Variants in AASS observed in about 807,000 individuals in gnomAD.
The protein encoded by AASS is aminoadipate-semialdehyde synthase, also known as alpha-aminoadipic semialdehyde synthase, mitochondrial.
Under a neutral mutation model 105.4 loss-of-function variants are expected in AASS, and 86 were observed. The observed-to-expected ratio is 0.82, with a 90% confidence interval of 0.69 to 0.98. AASS has a LOEUF of 0.98. AASS is among the 50% of genes least tolerant of loss of function. AASS has a pLI of 0.00. For missense variants in AASS, 1,048 were observed against 1,143.2 expected (o/e 0.92, Z 1.20); for synonymous variants, 381 against 394.8 (o/e 0.96, Z 0.41).
Position 122,076,193 on chromosome 7 carries a change from A to T in AASS, c.*296T>A. 1 of 322,796 alleles carries T rather than the reference A, an allele frequency of 3.1e-6. No homozygotes were observed. The highest frequency in any genetic ancestry group is 5.8e-6 in the Non-Finnish European group (1 of 172,080). The allele number at this position is 322,796 out of a possible 1,614,324, so 20.0% of individuals were successfully genotyped here. A position where few individuals can be genotyped will look rare whatever the true frequency, so the allele number is the denominator to read the frequency against. ...CATCTCAAAAAACAACAACAACAAA[A>T]AAAAAACAAAAGAAAAAAAGTGGCA... On this transcript the variant is annotated 3_prime_UTR_variant, in exon 24 of 24. Transcript: ENST00000417368.
intron 11 of AASS, among the ~76,000 whole-genome samples, chr7:122,109,704 A>G (rs1794839098): frequency 8.0e-6 from 1 of 125,316 alleles, no homozygotes; most frequent in African/African-American, 3.0e-5. Flanking sequence ...CTACTAGAAG[A>G]AAAAAAAAAC....
intron 1 of AASS, among the ~76,000 whole-genome samples, chr7:122,143,876 T>C (rs771898792): frequency 3.3e-5 from 5 of 152,176 alleles, no homozygotes; most frequent in Non-Finnish European, 5.9e-5. Flanking sequence ...CCTTTCTACT[T>C]AGAAATGCTG....
At chr7:122,129,633 G>T in intron 2 of AASS, 96 bp from the exon 3 acceptor site, 1 of 1,139,118 alleles carries the variant, frequency 8.8e-7, no homozygotes, top group Non-Finnish European at 1.3e-6. Context: ...CAAATCTTTT[G>T]AAGGAATAAA....
rs1794285317 is a variant in AASS at position 122,098,695 on chromosome 7, A to G, written c.1528+50T>C. 1.9e-6 allele frequency: 3 copies of G among 1,597,262 alleles called. No homozygotes were observed. The East Asian group carries it at 6.7e-5, about 36-fold the overall frequency. On this transcript the variant is annotated intron_variant, in intron 14 of 23. Transcript: ENST00000417368. ...AGTAGTCTTCTAAAATGTAGAAGTC[A>G]ACACGCTATAAAATACATTTTTCTT...
chr7:122,132,396 C>T (rs279701), intron 2 of AASS, among the ~76,000 whole-genome samples: 15,117 of 152,182 alleles, frequency 0.099, 995 homozygotes, highest in African/African-American at 0.18. Context: ...CACAAGTCTC[C>T]ATGTAAAAAC....
chr7:122,084,008 T>C (rs1319051893), intron 19 of AASS, among the ~76,000 whole-genome samples: 2 of 152,156 alleles, frequency 1.3e-5, no homozygotes, highest in African/African-American at 4.8e-5. Flanking sequence ...CTTTATTCAA[T>C]GTTTAAATCT....
chr7:122,125,542 G>C (rs902867251), intron 4 of AASS, among the ~76,000 whole-genome samples: 1 of 152,278 alleles, frequency 6.6e-6, no homozygotes, highest in South Asian at 2.1e-4. Context: ...GTTTCCATTG[G>C]CTGGAACGAG....
intron 19 of AASS, among the ~76,000 whole-genome samples, chr7:122,084,523 C>T (rs2150510850): frequency 6.6e-6 from 1 of 151,960 alleles, no homozygotes; most frequent in South Asian, 2.1e-4. Context: ...AAGTGAGACA[C>T]AAAAAGTAAA....
rs568345627 is a variant in AASS at position 122,085,021 on chromosome 7, T to C, written c.2184+991A>G. ...ATGGCCTCACTTGAATGTTTGCAGATAGAATTAATTAAGGACCTCAATATG... is the reference window on the plus strand; with the variant it reads ...ATGGCCTCACTTGAATGTTTGCAGACAGAATTAATTAAGGACCTCAATATG... On this transcript the variant is annotated intron_variant, in intron 19 of 23. Transcript: ENST00000417368. Among the ~76,000 whole-genome samples the C allele has an allele frequency of 3.9e-5, 6 of 152,258 alleles. 1 individual carries two copies. Among genetic ancestry groups the C allele is most frequent in the African/African-American group, 1.4e-4 (6 of 41,562 alleles).
chr7:122,104,073 A>G (rs1031807308), intron 11 of AASS, among the ~76,000 whole-genome samples: 3 of 152,122 alleles, frequency 2.0e-5, no homozygotes, highest in African/African-American at 7.2e-5. Flanking sequence ...CAATCAGAAA[A>G]CATTTAACAA....
chr7:122,135,554 G>T (rs1381230594), intron 1 of AASS, among the ~76,000 whole-genome samples: 1 of 152,110 alleles, frequency 6.6e-6, no homozygotes, highest in Admixed American at 6.6e-5. Context: ...TCAAGAAATA[G>T]TTACTAAAGG....
At chr7:122,126,229 G>A in intron 4 of AASS, 146 bp downstream of exon 4, 1 of 768,522 alleles carries the variant, frequency 1.3e-6, no homozygotes, top group Non-Finnish European at 2.4e-6. Context: ...TATTCCACTT[G>A]TATTCATCAT....
rs537650840 is a variant in AASS at position 122,133,517 on chromosome 7, C to T, written c.210G>A (p.Lys70=). 2.7e-5 allele frequency: 43 copies of T among 1,614,018 alleles called. No homozygotes were observed. The highest frequency in any genetic ancestry group is 1.6e-4 in the Middle Eastern group (1 of 6,062). The change falls in exon 2 of 24, where the codon AAG becomes AAA. Residue 70 remains lysine, a splice_region_variant and synonymous_variant. Transcript: ENST00000417368. ...QPSNRRAIHD[K]DYVKAGGILQ... Reference sequence around the variant, plus strand: ...ACATAAAAATATTGGAAATACTCACCTTATCATGAATGGCCCGCCGATTCG... The same window carrying T: ...ACATAAAAATATTGGAAATACTCACTTTATCATGAATGGCCCGCCGATTCG...
At position 122,073,712 on chromosome 7, in the gene AASS, T is replaced by C. The variant is rs1792872217; in HGVS notation, c.*2777A>G. 6.6e-6 allele frequency among the ~76,000 whole-genome samples: 1 copy of C among 152,066 alleles called. No homozygotes were observed. The highest frequency in any genetic ancestry group is 2.1e-4 in the South Asian group (1 of 4,822). On this transcript the variant is annotated 3_prime_UTR_variant, in exon 24 of 24. Transcript: ENST00000417368. ...ACATCACCCCAAAAAAGAAACCCCA[T>C]ACTAATTAGCAGTCACCCCTTTGTC...
intron 1 of AASS, among the ~76,000 whole-genome samples, chr7:122,134,404 C>T (rs1242926643): frequency 6.6e-6 from 1 of 152,164 alleles, no homozygotes; most frequent in African/African-American, 2.4e-5. Flanking sequence ...AAGTCTCACT[C>T]TGTCAATGCT....
intron 19 of AASS, among the ~76,000 whole-genome samples, chr7:122,082,406 C>A (rs1012634594): frequency 6.6e-6 from 1 of 152,132 alleles, no homozygotes; most frequent in African/African-American, 2.4e-5. Context: ...AATGTTTTCT[C>A]CTCCCTTCAG....
intron 13 of AASS, among the ~76,000 whole-genome samples, chr7:122,099,864 TACC>T (rs1794344873): frequency 6.6e-6 from 1 of 151,922 alleles, no homozygotes; most frequent in Admixed American, 6.6e-5. Flanking sequence ...ATTTAACTAC[TACC>T]ATCTCCCATT....
chr7:122,098,925 T>G, intron 13 of AASS, 59 bp from the exon 14 acceptor site: 1 of 1,477,746 alleles, frequency 6.8e-7, no homozygotes, highest in South Asian at 1.3e-5. Flanking sequence ...AATTTTTTTT[T>G]AAATAACAGA....
chr7:122,141,121 A>C (rs1056988702), intron 1 of AASS, among the ~76,000 whole-genome samples: 2 of 152,188 alleles, frequency 1.3e-5, no homozygotes, highest in Non-Finnish European at 2.9e-5. Flanking sequence ...TTGGGCTTGC[A>C]TTAACACTGG....
Sources: gnomAD v4.1 joint callset for allele counts (sites outside exome capture counted in the v4.1 genomes callset) on GRCh38, gnomAD v4.1.1 for gene constraint, MANE v1.5 for transcripts, NCBI Gene and HGNC (gene_info 2026-07-23, HGNC 2026-07-21) for gene names.